Variants in TLE6 observed in about 807,000 individuals in gnomAD.
TLE6 encodes the protein transducin-like enhancer protein 6.
In TLE6, 72 loss-of-function variants were observed where a neutral mutation model predicts 77.1. The ratio of observed to expected loss-of-function variants is 0.93; its 90% confidence interval spans 0.77 to 1.14. The LOEUF (loss-of-function observed/expected upper bound fraction) is 1.14. Among genes scored for constraint, TLE6 ranks in the 50% most tolerant of loss-of-function variants. The probability of loss-of-function intolerance (pLI) is 0.00; values close to 1 mark genes in which losing one functional copy is unlikely to be tolerated. For synonymous variants in TLE6, 366 were observed against 287.3 expected, an observed-to-expected ratio of 1.27 and a Z score of -2.77; for missense variants, 843 against 747.6, an observed-to-expected ratio of 1.13 and a Z score of -1.49.
intron 14 of TLE6, among the ~76,000 whole-genome samples, chr19:2,992,822 G>T: frequency 7.8e-6 from 1 of 127,594 alleles, no homozygotes; most frequent in Non-Finnish European, 1.7e-5. Flanking sequence ...GGGGGGGGAG[G>T]ATGAACTCTG....
In TLE6 at chr19:2,994,073, C is replaced by T. The variant is rs200522179; in HGVS notation, c.1592C>T (p.Pro531Leu). The change falls in exon 16 of 17, where the codon CCG becomes CTG. Residue 531 changes from proline (P) to leucine (L), a missense_variant. Transcript: ENST00000246112. Reference sequence around the variant, plus strand: ...GACTTCCTTGGCGTCTACAGCATGCCGGCGGGGACAAAAGTGTTCGAGGTA... The same window carrying T: ...GACTTCCTTGGCGTCTACAGCATGCTGGCGGGGACAAAAGTGTTCGAGGTA... ...MDDFLGVYSM[P>L]AGTKVFEVPE... is the part of the protein sequence containing the mutation. The T allele has an allele frequency of 4.7e-5, 76 of 1,606,474 alleles. No homozygotes were observed. In the East Asian group the frequency reaches 7.2e-4, roughly 15 times the overall value.
Position 2,989,090 on chromosome 19 carries a change from C to G in TLE6, c.770C>G (p.Ala257Gly), listed in dbSNP as rs1233031120. ...TGGGACCCTGAGGACTTTGAAGATG[C>G]ATGGAAGAGGCCAGATGCCTTGCCC... ...ISWDPEDFED[A>G]WKRPDALPGQ... The change falls in exon 12 of 17, where the codon GCA (alanine) becomes GGA (glycine). Residue 257 changes from alanine (A) to glycine (G), a missense_variant. Transcript: ENST00000246112. 10 of 1,613,986 alleles carry G rather than the reference C, an allele frequency of 6.2e-6. No homozygotes were observed. The East Asian group carries it at 1.8e-4, about 29-fold the overall frequency.
Position 2,987,107 on chromosome 19 carries a change from G to C in TLE6, c.410G>C (p.Gly137Ala). 6.2e-7 allele frequency: 1 copy of C among 1,614,178 alleles called. No homozygotes were observed. The highest frequency in any genetic ancestry group is 8.5e-7 in the Non-Finnish European group (1 of 1,180,042). ...TCCGACTGGCTCCGGCGGCCTTTGG[G>C]GGAGGACAATCAGCCGGAGACCCAG... ...RSSDWLRRPL[G>A]EDNQPETQLF... is the part of the protein sequence containing the mutation. Residue 137 changes from glycine (G) to alanine (A), a missense_variant, in exon 7 of 17, where the codon GGG becomes GCG. Gly to Ala is a moderately conservative substitution (Grantham distance 60). Coordinates refer to ENST00000246112, the MANE Select transcript of TLE6 (RefSeq NM_001143986.2).
rs1470976767 is a variant in TLE6, at chr19:2,981,669, G to A, written c.180+86G>A. 4 of 1,399,708 alleles carry A rather than the reference G, an allele frequency of 2.9e-6. No homozygotes were observed. The African/African-American group carries it at 4.3e-5, about 15-fold the overall frequency. The allele number at this position is 1,399,708 out of a possible 1,614,324, so 86.7% of individuals were successfully genotyped here. ...GGTTTCCCGGCCCTGCCTCCTGAGT[G>A]CCCTAGAGAGGTTCTTTTCCGCCAA... is the stretch of plus-strand genomic sequence containing the variant. On this transcript the variant is annotated intron_variant, in intron 4 of 16. Coordinates refer to ENST00000246112, the MANE Select transcript of TLE6 (RefSeq NM_001143986.2).
rs761042538 is a variant in TLE6 at position 2,995,032 on chromosome 19, G to A, written c.*28G>A. On this transcript the variant is annotated 3_prime_UTR_variant, in exon 17 of 17. Transcript: ENST00000246112. ...GGCCTCGCTGCTGTCATCCCACTCC[G>A]GCTCCTCTTTTCATCCCCCCCCTTC... 1.7e-5 allele frequency: 25 copies of A among 1,436,124 alleles called. 2 individuals are homozygous for A. Among genetic ancestry groups the A allele is most frequent in the South Asian group, 1.6e-4 (13 of 81,238 alleles). 89.0% of individuals were successfully genotyped at this position (1,436,124 alleles called of 1,614,324 possible). A position where few individuals can be genotyped will look rare whatever the true frequency, so the allele number is the denominator to read the frequency against.
At position 2,993,471 on chromosome 19, in the gene TLE6, CT is replaced by C; in HGVS notation, c.1427del (p.Leu476ArgfsTer30). 1 of 1,604,130 alleles carries C rather than the reference CT, an allele frequency of 6.2e-7. No individual in the cohort carries two copies. Among genetic ancestry groups the C allele is most frequent in the South Asian group, 1.1e-5 (1 of 90,764 alleles). The stretch of plus-strand genomic sequence containing the variant: ...CCACAGCCCCCAGGAGGACTGGGTG[CT>C]GCTGGGCATGGCCAATGGCCAGCAG... ...LSHSPQEDWV[L>X]LGMANGQQWL... On this transcript the variant is annotated frameshift_variant, in exon 15 of 17. Coordinates refer to ENST00000246112, the MANE Select transcript of TLE6 (RefSeq NM_001143986.2). LOFTEE classifies it high-confidence loss of function.
At chr19:2,988,792 A>C (rs1448476044) in intron 11 of TLE6, among the ~76,000 whole-genome samples, 1 of 152,160 alleles carries the variant, frequency 6.6e-6, no homozygotes, top group African/African-American at 2.4e-5. Flanking sequence ...GGAGCATAAT[A>C]GCTAGGACCA....
rs373092028 is a variant in TLE6, at chr19:2,989,308, A to G, written c.988A>G (p.Ile330Val). ...CAGGTTCCCTGAGAGCCACCTGCCTATACAGGTGAGGACGGCCTTGGTTTC... is the reference window on the plus strand; with the variant it reads ...CAGGTTCCCTGAGAGCCACCTGCCTGTACAGGTGAGGACGGCCTTGGTTTC... The part of the protein sequence containing the change: ...EDRFPESHLP[I>V]QTPGAFLRTC... The change falls in exon 12 of 17, where the codon ATA becomes GTA. Residue 330 changes from isoleucine (I) to valine (V), a missense_variant. Transcript: ENST00000246112. 24 of 1,613,092 alleles carry G rather than the reference A, an allele frequency of 1.5e-5. No homozygotes were observed. Among genetic ancestry groups the G allele is most frequent in the Non-Finnish European group, 1.8e-5 (21 of 1,180,032 alleles).
At chr19:2,991,409 C>T (rs1001653138) in intron 13 of TLE6, among the ~76,000 whole-genome samples, 10 of 147,822 alleles carry the variant, frequency 6.8e-5, no homozygotes, top group South Asian at 2.2e-4. Context: ...CACACACACA[C>T]ACACACACAC....
At chr19:2,994,295 G>A (rs1407465564) in intron 16 of TLE6, among the ~76,000 whole-genome samples, 200 bp downstream of exon 16, 1 of 151,864 alleles carries the variant, frequency 6.6e-6, no homozygotes, top group East Asian at 1.9e-4. Context: ...GGCCAACATA[G>A]TGAGACCCCA....
rs772338848 is a variant in TLE6 at position 2,989,624 on chromosome 19, G to A, written c.1083G>A (p.Val361=). ...GCTACAACCTGGCCAGCGTGAGCGT[G>A]TGGGACCTGGCGGCGCCCTCCCTGC... The part of the protein sequence containing the change: ...TGGYNLASVS[V]WDLAAPSLHV... Residue 361 remains valine (V), a synonymous_variant, in exon 13 of 17, where the codon GTG becomes GTA. Transcript: ENST00000246112. The A allele has an allele frequency of 1.4e-5, 22 of 1,614,062 alleles. No homozygotes were observed. The highest frequency in any genetic ancestry group is 1.7e-5 in the Non-Finnish European group (20 of 1,180,046).
chr19:2,985,399 C>CTTTTTTTTT lies in TLE6; in HGVS notation c.223-1417_223-1409dup, dbSNP rs1158204473. On this transcript the variant is annotated intron_variant, in intron 5 of 16. Transcript: ENST00000246112. The stretch of plus-strand genomic sequence containing the variant: ...GGTATGCTGTTTTGCTGCTTGAAGC[C>CTTTTTTTTT]TTTTTTTTTTTTTTTTTTTTTGAGA... Among the ~76,000 whole-genome samples the CTTTTTTTTT allele has an allele frequency of 1.8e-3, 163 of 89,998 alleles. 16 individuals carry two copies. Among genetic ancestry groups the CTTTTTTTTT allele is most frequent in the African/African-American group, 6.8e-3 (139 of 20,334 alleles). The allele number at this position is 89,998 out of a possible 152,430, so 59.0% of individuals were successfully genotyped here. A position where few individuals can be genotyped will look rare whatever the true frequency, so the allele number is the denominator to read the frequency against.
intron 5 of TLE6, among the ~76,000 whole-genome samples, chr19:2,985,644 C>T (rs960174996): frequency 6.8e-6 from 1 of 146,742 alleles, no homozygotes; most frequent in Admixed American, 6.9e-5. Flanking sequence ...TGGTCTCAAT[C>T]TCCTGACCTC....
In TLE6 at chr19:2,980,199, G is replaced by T. The variant is rs1484474105; in HGVS notation, c.134+17G>T. 3 of 1,543,334 alleles carry T rather than the reference G, an allele frequency of 1.9e-6. No individual in the cohort carries two copies. The highest frequency in any genetic ancestry group is 1.2e-5 in the South Asian group (1 of 83,888). The stretch of plus-strand genomic sequence containing the variant: ...GTTCCCCAGGTGAGAGCAATTCCAG[G>T]GGCCGGAGGTCTCACGCTGGGAAGG... On this transcript the variant is annotated intron_variant, in intron 3 of 16. Transcript: ENST00000246112.
chr19:2,988,043 C>T (rs777440150), intron 10 of TLE6, 48 bp from the exon 11 acceptor site: 22 of 1,564,970 alleles, frequency 1.4e-5, no homozygotes, highest in South Asian at 3.5e-5. Flanking sequence ...GAGGTGGGCA[C>T]AGATGTGCGG....
Position 2,986,969 on chromosome 19 carries a change from TC to T in TLE6, c.286-12del. 6.3e-7 allele frequency: 1 copy of T among 1,592,994 alleles called. No individual in the cohort carries two copies. Among genetic ancestry groups the T allele is most frequent in the Non-Finnish European group, 8.5e-7 (1 of 1,169,814 alleles). On this transcript the variant is annotated splice_polypyrimidine_tract_variant and intron_variant, in intron 6 of 16. Transcript: ENST00000246112. ...ATCCTCAAAGCTCTCACTGCCTTGTTCCTGCCGGGCCAGGTCTCACCTGCTG... is the reference window on the plus strand; with the variant it reads ...ATCCTCAAAGCTCTCACTGCCTTGTTCTGCCGGGCCAGGTCTCACCTGCTG...
At chr19:2,983,907 T>C (rs1375145203) in intron 5 of TLE6, 1 of 152,332 alleles carries the variant, frequency 6.6e-6, no homozygotes, top group African/African-American at 2.4e-5. Context: ...AGCATCAGGA[T>C]ACGCAGGGGG....
chr19:2,991,802 G>A, intron 13 of TLE6, 41 bp from the exon 14 acceptor site: 1 of 1,603,600 alleles, frequency 6.2e-7, no homozygotes, highest in Non-Finnish European at 8.5e-7. Flanking sequence ...CCAAACCTCA[G>A]AGTCTTGACC....
In TLE6 at chr19:2,987,422, C is replaced by T. The variant is rs369500122; in HGVS notation, c.558+50C>T. 129 of 1,611,626 alleles carry T rather than the reference C, an allele frequency of 8.0e-5. 1 individual carries two copies. Among genetic ancestry groups the T allele is most frequent in the East Asian group, 2.9e-4 (13 of 44,862 alleles). ...CCAGAGGGGTGGGCTTCCGGGCAGG[C>T]GGTTGGGCTCCCCCAGGTCAGGGCA... On this transcript the variant is annotated intron_variant, in intron 8 of 16. Transcript: ENST00000246112.
Sources: allele counts gnomAD v4.1 joint callset (sites outside exome capture counted in the v4.1 genomes callset), GRCh38; gene constraint gnomAD v4.1.1; transcripts MANE v1.5; gene names NCBI Gene and HGNC (gene_info 2026-07-23, HGNC 2026-07-21).